The following GUCY1A2 variants were observed in gnomAD, a reference collection of about 807,000 sequenced individuals.
The protein encoded by GUCY1A2 is guanylate cyclase 1 soluble subunit alpha 2.
In GUCY1A2, 27 loss-of-function variants were observed where a neutral mutation model predicts 63.5. The observed-to-expected ratio is 0.43, with a 90% confidence interval of 0.31 to 0.59. The LOEUF (loss-of-function observed/expected upper bound fraction) is 0.59. Ranked by LOEUF, GUCY1A2 falls within the 20% of genes least tolerant of loss-of-function variation. GUCY1A2 has a pLI of 0.11. For missense variants in GUCY1A2, 768 were observed against 913.3 expected, an observed-to-expected ratio of 0.84 and a Z score of 2.05; for synonymous variants, 364 against 343.5, an observed-to-expected ratio of 1.06 and a Z score of -0.66.
At chr11:106,695,379 A>G (rs930337471) in intron 7 of GUCY1A2, among the ~76,000 whole-genome samples, 1 of 152,206 alleles carries the variant, frequency 6.6e-6, no homozygotes, top group Non-Finnish European at 1.5e-5. Context: ...TGTTGTTACA[A>G]ATTATTCATC....
At chr11:106,790,631 G>C (rs765988943) in intron 5 of GUCY1A2, among the ~76,000 whole-genome samples, 2 of 151,660 alleles carry the variant, frequency 1.3e-5, no homozygotes, top group African/African-American at 4.8e-5. Context: ...TTAGAGTCTT[G>C]CTTAAGGCCC....
intron 3 of GUCY1A2, among the ~76,000 whole-genome samples, chr11:106,942,577 A>C (rs1440894398): frequency 6.6e-6 from 1 of 152,240 alleles, no homozygotes; most frequent in East Asian, 1.9e-4. Flanking sequence ...GATTGCTTCT[A>C]AACTTTGAAG....
In GUCY1A2 at chr11:107,018,149, A is replaced by C; in HGVS notation, c.-94T>G. The stretch of plus-strand genomic sequence containing the variant: ...GGCGGGACCGGCAAGCGACAACGTT[A>C]AGCGCGTCGGGGCCGCGGGGCGCTG... On this transcript the variant is annotated 5_prime_UTR_variant, in exon 1 of 8. An upstream open reading frame in the 5' UTR loses its in-frame stop. Transcript: ENST00000526355. The C allele has an allele frequency of 1.4e-6, 1 of 731,218 alleles. No individual in the cohort carries two copies. The highest frequency in any genetic ancestry group is 1.9e-6 in the Non-Finnish European group (1 of 538,262). 45.3% of individuals were successfully genotyped at this position (731,218 alleles called of 1,614,324 possible). A position where few individuals can be genotyped will look rare whatever the true frequency, so the allele number is the denominator to read the frequency against.
chr11:106,987,193 A>C (rs1176130915), intron 1 of GUCY1A2, among the ~76,000 whole-genome samples: 1 of 152,244 alleles, frequency 6.6e-6, no homozygotes, highest in Non-Finnish European at 1.5e-5. Flanking sequence ...CGAATGTAAT[A>C]CAAACCCTTC....
intron 6 of GUCY1A2, among the ~76,000 whole-genome samples, chr11:106,737,318 G>T (rs528085629): frequency 6.6e-6 from 1 of 152,172 alleles, no homozygotes; most frequent in East Asian, 1.9e-4. Flanking sequence ...ACTTTAGAAT[G>T]CTTATTCATT....
intron 4 of GUCY1A2, among the ~76,000 whole-genome samples, chr11:106,881,487 T>C (rs1274232481): frequency 1.3e-5 from 2 of 152,200 alleles, no homozygotes; most frequent in East Asian, 3.9e-4. Flanking sequence ...GTCTGCCTTA[T>C]GGTGTAGTAT....
At chr11:106,775,759 C>T (rs1864346769) in intron 6 of GUCY1A2, among the ~76,000 whole-genome samples, 1 of 125,836 alleles carries the variant, frequency 7.9e-6, no homozygotes, top group Admixed American at 1.1e-4. Context: ...GACTTGAATA[C>T]AAGTTTACTT....
intron 4 of GUCY1A2, among the ~76,000 whole-genome samples, chr11:106,850,162 A>T (rs1859332843): frequency 6.6e-6 from 1 of 151,764 alleles, no homozygotes; most frequent in African/African-American, 2.4e-5. Flanking sequence ...TAAGAGATTT[A>T]TTAATATCAT....
chr11:106,706,596 T>C (rs1273926087), intron 7 of GUCY1A2, among the ~76,000 whole-genome samples: 4 of 151,266 alleles, frequency 2.6e-5, no homozygotes, highest in African/African-American at 4.9e-5. Context: ...GCTACTGTTA[T>C]GATGTCTAAG....
chr11:106,773,981 A>C (rs1382643615), intron 6 of GUCY1A2, among the ~76,000 whole-genome samples: 1 of 152,170 alleles, frequency 6.6e-6, no homozygotes, highest in Non-Finnish European at 1.5e-5. Flanking sequence ...TTATAATATG[A>C]ATTTTTACAT....
intron 4 of GUCY1A2, among the ~76,000 whole-genome samples, chr11:106,841,401 A>G (rs374555910): frequency 3.3e-5 from 5 of 152,040 alleles, no homozygotes; most frequent in African/African-American, 1.2e-4. Context: ...CCACCTTTCA[A>G]ACAAGATTAC....
At chr11:106,704,899 A>G (rs1420689529) in intron 7 of GUCY1A2, among the ~76,000 whole-genome samples, 1 of 150,550 alleles carries the variant, frequency 6.6e-6, no homozygotes, top group Non-Finnish European at 1.5e-5. Flanking sequence ...TATATATATT[A>G]TATGCACTAT....
intron 5 of GUCY1A2, among the ~76,000 whole-genome samples, chr11:106,795,184 A>C (rs1295297822): frequency 6.6e-6 from 1 of 152,176 alleles, no homozygotes; most frequent in East Asian, 1.9e-4. Flanking sequence ...TATAATTAAA[A>C]TCAGGTTTTC....
intron 3 of GUCY1A2, among the ~76,000 whole-genome samples, chr11:106,948,986 A>T (rs1163692207): frequency 6.6e-6 from 1 of 152,220 alleles, no homozygotes; most frequent in Non-Finnish European, 1.5e-5. Context: ...GCAAACATAT[A>T]AAAAAGATGT....
intron 4 of GUCY1A2, among the ~76,000 whole-genome samples, chr11:106,897,412 A>G (rs1023987511): frequency 1.3e-5 from 2 of 152,140 alleles, no homozygotes; most frequent in African/African-American, 4.8e-5. Flanking sequence ...GGAGAAAAAT[A>G]AAGTTGGAGG....
At chr11:106,983,871 A>G (rs1861368079) in intron 2 of GUCY1A2, among the ~76,000 whole-genome samples, 1 of 152,224 alleles carries the variant, frequency 6.6e-6, no homozygotes, top group African/African-American at 2.4e-5. Flanking sequence ...TAACTGTAAG[A>G]AACACATTCT....
At chr11:106,869,257 T>A (rs1859639374) in intron 4 of GUCY1A2, among the ~76,000 whole-genome samples, 1 of 152,006 alleles carries the variant, frequency 6.6e-6, no homozygotes, top group Non-Finnish European at 1.5e-5. Flanking sequence ...AATTGACAAA[T>A]GGGATCTAAT....
intron 6 of GUCY1A2, among the ~76,000 whole-genome samples, chr11:106,712,103 A>G (rs1863130757): frequency 6.6e-6 from 1 of 151,872 alleles, no homozygotes; most frequent in Admixed American, 6.6e-5. Flanking sequence ...TATTTCTTTG[A>G]ATATTTTTTT....
rs545077950 is a variant in GUCY1A2 at position 106,809,144 on chromosome 11, A to G, written c.1692+849T>C. On this transcript the variant is annotated intron_variant, in intron 5 of 7. Transcript: ENST00000526355. ...TCTTTCCAAATCTGCTTATGTGAAG[A>G]TCATACTGTAAAAATAAGTAGCTGG... is the stretch of plus-strand genomic sequence containing the variant. 3.9e-5 allele frequency among the ~76,000 whole-genome samples: 6 copies of G among 152,254 alleles called. No homozygotes were observed. The South Asian group carries it at 8.3e-4, about 21-fold the overall frequency.
Sources: gnomAD v4.1 joint callset for allele counts (sites outside exome capture counted in the v4.1 genomes callset) on GRCh38, gnomAD v4.1.1 for gene constraint, MANE v1.5 for transcripts, NCBI Gene and HGNC (gene_info 2026-07-23, HGNC 2026-07-21) for gene names.